The following SMURF2 variants were observed in gnomAD, a reference collection of about 807,000 sequenced individuals.
SMURF2 encodes the protein SMAD specific E3 ubiquitin protein ligase 2, also known as E3 ubiquitin-protein ligase SMURF2.
Under a neutral mutation model 109.6 loss-of-function variants are expected in SMURF2, and 48 were observed. The observed-to-expected ratio is 0.44, with a 90% CI of 0.35 to 0.56. SMURF2 has a LOEUF of 0.56. SMURF2 is among the 20% of genes least tolerant of loss of function. The pLI, the probability that SMURF2 is intolerant of heterozygous loss-of-function variation, is 0.01. For synonymous variants in SMURF2, 288 were observed against 317.1 expected (o/e 0.91, Z 0.97); for missense variants, 575 against 909.0 (o/e 0.63, Z 4.72).
At chr17:64,564,830 T>A (rs1172282302) in intron 10 of SMURF2, among the ~76,000 whole-genome samples, 10 of 152,194 alleles carry the variant, frequency 6.6e-5, no homozygotes, top group African/African-American at 2.4e-4. Flanking sequence ...TGTGAGAGAA[T>A]GAATTTCTGT....
At chr17:64,661,094 G>A (rs1970769178) in intron 1 of SMURF2, among the ~76,000 whole-genome samples, 2 of 152,116 alleles carry the variant, frequency 1.3e-5, no homozygotes. Context: ...AAAAAAGTGT[G>A]TTTTTAAAGC....
In SMURF2 at chr17:64,662,203, G is replaced by A; in HGVS notation, c.-323C>T. 1.9e-6 allele frequency: 2 copies of A among 1,035,294 alleles called. No individual in the cohort carries two copies. The highest frequency in any genetic ancestry group is 8.9e-5 in the South Asian group (2 of 22,560). 64.1% of individuals were successfully genotyped at this position (1,035,294 alleles called of 1,614,324 possible). ...CCTTTCCCTCCTCTCGTCTCGGCGA[G>A]GCCCAGTAGCCGACGGGGCTGGTCG... On this transcript the variant is annotated 5_prime_UTR_variant, in exon 1 of 19. Coordinates refer to ENST00000262435, the MANE Select transcript of SMURF2 (RefSeq NM_022739.4).
intron 1 of SMURF2, among the ~76,000 whole-genome samples, chr17:64,647,043 C>G (rs1375999200): frequency 6.6e-6 from 1 of 152,172 alleles, no homozygotes; most frequent in Non-Finnish European, 1.5e-5. Flanking sequence ...TTTCATCCAT[C>G]AAGTCTTATC....
At chr17:64,551,378 G>C (rs1264723843) in intron 16 of SMURF2, among the ~76,000 whole-genome samples, 3 of 151,802 alleles carry the variant, frequency 2.0e-5, no homozygotes, top group East Asian at 1.9e-4. Flanking sequence ...AAGAGAGAGA[G>C]AGACAGATTG....
At chr17:64,551,476 T>G (rs1555683597) in intron 16 of SMURF2, 108 bp downstream of exon 16, 1 of 1,252,174 alleles carries the variant, frequency 8.0e-7, no homozygotes, top group African/African-American at 1.5e-5. Context: ...CATAGAACCA[T>G]GAAACTTAGA....
chr17:64,590,266 C>T (rs1351773624), intron 5 of SMURF2, among the ~76,000 whole-genome samples: 3 of 151,816 alleles, frequency 2.0e-5, no homozygotes, highest in South Asian at 2.1e-4. Flanking sequence ...CTCAGCCTCC[C>T]GAGTAGCTGG....
At chr17:64,643,966 T>C (rs1290002281) in intron 1 of SMURF2, among the ~76,000 whole-genome samples, 2 of 151,862 alleles carry the variant, frequency 1.3e-5, no homozygotes, top group African/African-American at 4.8e-5. Flanking sequence ...AGCTGGATTA[T>C]AGGTGCGCGC....
rs1338504953 is a variant in SMURF2 at position 64,566,697 on chromosome 17, G to T, written c.1017-3731C>A. ...AGCTATTCTCCTGCCTCAGCCTCCC[G>T]AGTAGCTGGGACTACAGGTGCCTGC... is the stretch of plus-strand genomic sequence containing the variant. On this transcript the variant is annotated intron_variant, in intron 10 of 18. Transcript: ENST00000262435. 2.7e-5 allele frequency among the ~76,000 whole-genome samples: 4 copies of T among 147,150 alleles called. 1 individual carries two copies. In the East Asian group the frequency reaches 8.1e-4, roughly 30 times the overall value.
intron 9 of SMURF2, among the ~76,000 whole-genome samples, chr17:64,576,310 A>AT (rs1969489303): frequency 6.6e-6 from 1 of 152,102 alleles, no homozygotes; most frequent in Non-Finnish European, 1.5e-5. Flanking sequence ...GTTAAAAGTA[A>AT]TTGACATTTT....
chr17:64,581,442 C>T lies in SMURF2; in HGVS notation c.570-451G>A, dbSNP rs910324533. Among the ~76,000 whole-genome samples the T allele has an allele frequency of 1.3e-5, 2 of 152,112 alleles. No homozygotes were observed. The highest frequency in any genetic ancestry group is 3.9e-4 in the East Asian group (2 of 5,180). On this transcript the variant is annotated intron_variant, in intron 7 of 18. Coordinates refer to ENST00000262435, the MANE Select transcript of SMURF2 (RefSeq NM_022739.4). The surrounding 1 kb of genome is among the most constrained non-coding windows in gnomAD (Gnocchi z 4.3). ...CCTTCCATCTGGCATATTCTTTTCT[C>T]CTACTCTCCCTAGGCCTGGCTCTTT...
At chr17:64,653,693 C>T (rs760264794) in intron 1 of SMURF2, among the ~76,000 whole-genome samples, 9 of 152,026 alleles carry the variant, frequency 5.9e-5, no homozygotes, top group Admixed American at 5.9e-4. Flanking sequence ...AGCAATCCGC[C>T]CAGCAGATTT....
At chr17:64,632,175 T>C (rs1970360814) in intron 1 of SMURF2, among the ~76,000 whole-genome samples, 1 of 152,030 alleles carries the variant, frequency 6.6e-6, no homozygotes, top group Non-Finnish European at 1.5e-5. Flanking sequence ...ACCAGGCTGG[T>C]CTCAAACTCC....
chr17:64,593,316 T>C, intron 4 of SMURF2, 124 bp downstream of exon 4: 1 of 734,602 alleles, frequency 1.4e-6, no homozygotes, highest in Non-Finnish European at 1.8e-6. Context: ...CAAATATATA[T>C]ATTATTTTTA....
chr17:64,647,206 T>C (rs782497695), intron 1 of SMURF2, among the ~76,000 whole-genome samples: 1 of 152,170 alleles, frequency 6.6e-6, no homozygotes, highest in Non-Finnish European at 1.5e-5. Context: ...TTCATCATTA[T>C]TCTTAGTCTT....
chr17:64,646,753 G>T (rs1273521821), intron 1 of SMURF2, among the ~76,000 whole-genome samples: 3 of 152,122 alleles, frequency 2.0e-5, no homozygotes, highest in African/African-American at 7.2e-5. Flanking sequence ...ACTACAGAGA[G>T]AAATATGCCT....
At chr17:64,554,033 A>G (rs548524836) in intron 15 of SMURF2, among the ~76,000 whole-genome samples, 19 of 152,240 alleles carry the variant, frequency 1.2e-4, no homozygotes, top group Non-Finnish European at 2.6e-4. Flanking sequence ...AGCCCAATAC[A>G]TAAAAATTCC....
chr17:64,596,768 C>T (rs1308905802), intron 3 of SMURF2, among the ~76,000 whole-genome samples: 2 of 151,770 alleles, frequency 1.3e-5, no homozygotes, highest in Non-Finnish European at 2.9e-5. Context: ...AGAAAAAAAG[C>T]CAATGGAATA....
rs1968886020 is a variant in SMURF2 at position 64,542,385 on chromosome 17, A to G, written c.*3463T>C. ...GTTAATTTTTAAAAACCATTTATAC[A>G]GATGTTACTGATAAAGCTCATGTAA... On this transcript the variant is annotated 3_prime_UTR_variant, in exon 19 of 19. Transcript: ENST00000262435. The G allele has an allele frequency of 6.6e-6, 1 of 152,342 alleles. No individual in the cohort carries two copies. Among genetic ancestry groups the G allele is most frequent in the South Asian group, 2.1e-4 (1 of 4,828 alleles). 9.4% of individuals were successfully genotyped at this position (152,342 alleles called of 1,614,324 possible). A position where few individuals can be genotyped will look rare whatever the true frequency, so the allele number is the denominator to read the frequency against.
chr17:64,655,643 T>C (rs1410887030), intron 1 of SMURF2, among the ~76,000 whole-genome samples: 1 of 151,830 alleles, frequency 6.6e-6, no homozygotes, highest in African/African-American at 2.4e-5. Flanking sequence ...TGAAAAGAAA[T>C]TGGGAGGCCA....
Sources: allele counts gnomAD v4.1 joint callset (sites outside exome capture counted in the v4.1 genomes callset), GRCh38; gene constraint gnomAD v4.1.1; non-coding constraint Gnocchi (gnomAD v3.1); transcripts MANE v1.5; gene names NCBI Gene and HGNC (gene_info 2026-07-23, HGNC 2026-07-21).